Variants in SLCO1A2 observed in about 807,000 individuals in gnomAD.
SLCO1A2 encodes the protein solute carrier organic anion transporter family member 1A2.
Under a neutral mutation model 69.0 loss-of-function variants are expected in SLCO1A2, and 67 were observed. The ratio of observed to expected loss-of-function variants is 0.97; its 90% CI spans 0.80 to 1.19. The LOEUF (loss-of-function observed/expected upper bound fraction) is 1.19. Ranked by LOEUF, SLCO1A2 falls within the 50% of genes most tolerant of loss-of-function variation. The pLI is 0.00. For synonymous variants in SLCO1A2, 260 were observed against 265.9 expected, an observed-to-expected ratio of 0.98 and a Z score of 0.22; for missense variants, 787 against 793.7, an observed-to-expected ratio of 0.99 and a Z score of 0.10.
At position 21,267,486 on chromosome 12, in the gene SLCO1A2, C is replaced by A. The variant is rs1942201148; in HGVS notation, c.*2062G>T. ...CTAATTTTGACACTCACTGTTTCACCAACACTATCTGCCTTGAATCCGTAA... is the reference window on the plus strand; with the variant it reads ...CTAATTTTGACACTCACTGTTTCACAAACACTATCTGCCTTGAATCCGTAA... On this transcript the variant is annotated 3_prime_UTR_variant, in exon 15 of 15. Coordinates refer to ENST00000683939, the MANE Select transcript of SLCO1A2 (RefSeq NM_001386879.1). The A allele has an allele frequency of 6.6e-6, 1 of 152,126 alleles. No individual in the cohort carries two copies. Among genetic ancestry groups the A allele is most frequent in the African/African-American group, 2.4e-5 (1 of 41,430 alleles). 9.4% of individuals were successfully genotyped at this position (152,126 alleles called of 1,614,324 possible).
rs1333226732 is a variant in SLCO1A2 at position 21,266,660 on chromosome 12, G to A, written c.*2888C>T. 1 of 151,968 alleles carries A rather than the reference G, an allele frequency of 6.6e-6. No homozygotes were observed. Among genetic ancestry groups the A allele is most frequent in the African/African-American group, 2.4e-5 (1 of 41,372 alleles). The allele number at this position is 151,968 out of a possible 1,614,324, so 9.4% of individuals were successfully genotyped here. A position where few individuals can be genotyped will look rare whatever the true frequency, so the allele number is the denominator to read the frequency against. On this transcript the variant is annotated 3_prime_UTR_variant, in exon 15 of 15. Transcript: ENST00000683939. The stretch of plus-strand genomic sequence containing the variant: ...GTTCCTTATGGAGAGCTCAACCCCA[G>A]CCCTTGAACCTTAAGGGTGTGTATA...
chr12:21,322,249 T>TG (rs1951722245), intron 2 of SLCO1A2, among the ~76,000 whole-genome samples: 2 of 152,086 alleles, frequency 1.3e-5, no homozygotes, highest in Admixed American at 6.5e-5. Context: ...GGTTGGCTGA[T>TG]GCCTGTGAAC....
intron 2 of SLCO1A2, among the ~76,000 whole-genome samples, chr12:21,332,569 A>G (rs7967935): frequency 0.37 from 55,661 of 151,942 alleles, 10,885 homozygotes; most frequent in African/African-American, 0.5. Flanking sequence ...TGTTTTTTAG[A>G]CTAACTTTGG....
chr12:21,361,216 T>A (rs2137047916), intron 2 of SLCO1A2, among the ~76,000 whole-genome samples: 1 of 152,296 alleles, frequency 6.6e-6, no homozygotes, highest in African/African-American at 2.4e-5. Context: ...CAGCAACATC[T>A]GCTGTTCTGC....
At chr12:21,285,509 G>A (rs1945589631) in intron 12 of SLCO1A2, among the ~76,000 whole-genome samples, 1 of 137,468 alleles carries the variant, frequency 7.3e-6, no homozygotes, top group South Asian at 2.7e-4. Context: ...CTCATTTTAT[G>A]AGGCCAGCAT....
intron 1 of SLCO1A2, among the ~76,000 whole-genome samples, chr12:21,415,117 C>T (rs10743414): frequency 0.63 from 95,748 of 151,760 alleles, 30,362 homozygotes; most frequent in Middle Eastern, 0.77. Flanking sequence ...ATCTTATTTT[C>T]TTTAATTATT....
chr12:21,308,404 C>G (rs533102153), intron 4 of SLCO1A2, among the ~76,000 whole-genome samples: 2 of 152,136 alleles, frequency 1.3e-5, no homozygotes, highest in South Asian at 4.1e-4. Context: ...TGCTGCAAAG[C>G]CCAGGAACAT....
intron 12 of SLCO1A2, among the ~76,000 whole-genome samples, chr12:21,287,064 T>A: frequency 8.0e-6 from 1 of 124,600 alleles, no homozygotes; most frequent in Non-Finnish European, 1.7e-5. Context: ...ACCATCAGAG[T>A]GAACAGGCAA....
At chr12:21,309,712 G>A (rs1949869446) in intron 4 of SLCO1A2, among the ~76,000 whole-genome samples, 1 of 152,120 alleles carries the variant, frequency 6.6e-6, no homozygotes, top group South Asian at 2.1e-4. Context: ...CAAGTGAAGA[G>A]GAAAGAGGAA....
chr12:21,351,197 A>G (rs985781787), intron 2 of SLCO1A2, among the ~76,000 whole-genome samples: 7 of 152,202 alleles, frequency 4.6e-5, no homozygotes, highest in African/African-American at 9.7e-5. Flanking sequence ...AGAAATATAG[A>G]CAAATACGTG....
chr12:21,290,259 T>G (rs1010941121), intron 12 of SLCO1A2, among the ~76,000 whole-genome samples: 1 of 152,052 alleles, frequency 6.6e-6, no homozygotes, highest in Non-Finnish European at 1.5e-5. Flanking sequence ...TGTCAGATTT[T>G]CTCCAAGTAA....
At chr12:21,337,363 TAAAC>T (rs1952928110), upstream of SLCO1A2, among the ~76,000 whole-genome samples, 1 of 152,066 alleles carries the variant, frequency 6.6e-6, no homozygotes, top group African/African-American at 2.4e-5. Context: ...CTTGCAGTAT[TAAAC>T]AAATTAATAT....
Position 21,320,965 on chromosome 12 carries a change from T to C in SLCO1A2, c.61-2042A>G, listed in dbSNP as rs533445090. Among the ~76,000 whole-genome samples the C allele has an allele frequency of 5.3e-5, 8 of 152,336 alleles. No individual in the cohort carries two copies. The East Asian group carries it at 1.5e-3, about 29-fold the overall frequency. ...CTACTCTAGCTACCACAAAGCTGTT[T>C]AGAAGAATGGTCTAGACTCTAGACT... On this transcript the variant is annotated intron_variant, in intron 2 of 14. Transcript: ENST00000683939.
chr12:21,381,135 T>A (rs1940561351), intron 1 of SLCO1A2, among the ~76,000 whole-genome samples: 1 of 151,578 alleles, frequency 6.6e-6, no homozygotes, highest in Admixed American at 6.6e-5. Context: ...ATCCCAAAAA[T>A]AAATGCAACA....
intron 1 of SLCO1A2, chr12:21,417,869 A>G (rs1022391468): frequency 2.6e-5 from 4 of 152,168 alleles, no homozygotes; most frequent in Admixed American, 6.5e-5. Flanking sequence ...AATTGTAGAA[A>G]TGGAACACTG....
At chr12:21,301,651 T>C (rs1327221532) in intron 6 of SLCO1A2, among the ~76,000 whole-genome samples, 1 of 152,204 alleles carries the variant, frequency 6.6e-6, no homozygotes, top group Non-Finnish European at 1.5e-5. Context: ...TACCATCTTA[T>C]AGTGGATTTC....
chr12:21,334,833 C>T lies in SLCO1A2; in HGVS notation c.-69G>A, dbSNP rs535565051. 55 of 485,312 alleles carry T rather than the reference C, an allele frequency of 1.1e-4. No individual in the cohort carries two copies. Among genetic ancestry groups the T allele is most frequent in the African/African-American group, 6.7e-4 (26 of 38,712 alleles). 30.1% of individuals were successfully genotyped at this position (485,312 alleles called of 1,614,324 possible). ...CATTGCATTACAAAAATACCTGGAA[C>T]GCTTTAATACAGATTAGAAAATCAT... On this transcript the variant is annotated 5_prime_UTR_variant, in exon 1 of 15. Coordinates refer to ENST00000683939, the MANE Select transcript of SLCO1A2 (RefSeq NM_001386879.1).
chr12:21,320,182 T>A (rs1376597870), intron 2 of SLCO1A2, among the ~76,000 whole-genome samples: 2 of 152,172 alleles, frequency 1.3e-5, no homozygotes, highest in African/African-American at 4.8e-5. Context: ...ACACCTCCAG[T>A]CTTGAGCCAA....
chr12:21,359,397 T>C (rs1373983795), intron 2 of SLCO1A2, among the ~76,000 whole-genome samples: 1 of 151,590 alleles, frequency 6.6e-6, no homozygotes, highest in East Asian at 1.9e-4. Flanking sequence ...TGTAAAACAT[T>C]AGTGAAAAAA....
Sources: allele counts gnomAD v4.1 joint callset (sites outside exome capture counted in the v4.1 genomes callset), GRCh38; gene constraint gnomAD v4.1.1; transcripts MANE v1.5; gene names NCBI Gene and HGNC (gene_info 2026-07-23, HGNC 2026-07-21).